CA8: variants seen among roughly 807,000 people sequenced by gnomAD.
The protein encoded by CA8 is carbonic anhydrase 8 (inactive), also known as carbonic anhydrase-related protein.
Under a neutral mutation model 41.4 loss-of-function variants are expected in CA8, and 22 were observed. That is an observed-to-expected ratio of 0.53 (90% CI 0.38 to 0.76). The LOEUF (loss-of-function observed/expected upper bound fraction) is 0.76. Among genes scored for constraint, CA8 ranks in the 30% least tolerant of loss-of-function variants. The pLI is 0.00. For synonymous variants in CA8, 121 were observed against 130.6 expected (o/e 0.93, Z 0.50); for missense variants, 270 against 352.8 (o/e 0.77, Z 1.88).
At chr8:60,225,859 C>T (rs1027074208) in intron 5 of CA8, among the ~76,000 whole-genome samples, 9 of 152,186 alleles carry the variant, frequency 5.9e-5, no homozygotes, top group Admixed American at 5.9e-4. Flanking sequence ...CATGGTGGCT[C>T]ACGCCTGTAA....
intron 5 of CA8, 55 bp from the exon 6 acceptor site, chr8:60,224,640 A>T: frequency 8.8e-7 from 1 of 1,135,744 alleles, no homozygotes; most frequent in Non-Finnish European, 1.3e-6. Context: ...TAGATTTTAG[A>T]ATAAAAAATC....
chr8:60,249,055 A>G (rs533359629), intron 3 of CA8, among the ~76,000 whole-genome samples: 1 of 152,168 alleles, frequency 6.6e-6, no homozygotes, highest in Admixed American at 6.5e-5. Context: ...GATTTGGTCC[A>G]TTGACTAGCA....
chr8:60,248,853 G>T (rs1276820732), intron 3 of CA8, among the ~76,000 whole-genome samples: 1 of 152,134 alleles, frequency 6.6e-6, no homozygotes, highest in Admixed American at 6.5e-5. Context: ...ACTTCGGGCA[G>T]TATGGCCATT....
chr8:60,278,773 G>C (rs1804319916), intron 2 of CA8, among the ~76,000 whole-genome samples: 2 of 152,184 alleles, frequency 1.3e-5, no homozygotes, highest in Admixed American at 1.3e-4. Flanking sequence ...TCCATAGCTG[G>C]AAATCAACAG....
chr8:60,248,959 T>C (rs933439396), intron 3 of CA8, among the ~76,000 whole-genome samples: 3 of 152,198 alleles, frequency 2.0e-5, no homozygotes, highest in African/African-American at 7.2e-5. Flanking sequence ...GTAGTTCTCC[T>C]TGAAGAGGCC....
intron 2 of CA8, among the ~76,000 whole-genome samples, chr8:60,266,288 T>G (rs1474110307): frequency 6.6e-6 from 1 of 152,194 alleles, no homozygotes; most frequent in Non-Finnish European, 1.5e-5. Context: ...AAACTCATAA[T>G]GATATGCATA....
intron 3 of CA8, among the ~76,000 whole-genome samples, chr8:60,263,402 C>T (rs2130588565): frequency 6.6e-6 from 1 of 150,582 alleles, no homozygotes; most frequent in East Asian, 2.0e-4. Flanking sequence ...GTCTGTCTGT[C>T]TAACAAGCCA....
intron 1 of CA8, 48 bp from the exon 2 acceptor site, chr8:60,279,928 C>T (rs1329944880): frequency 6.0e-6 from 9 of 1,501,110 alleles, no homozygotes; most frequent in Non-Finnish European, 8.1e-6. Flanking sequence ...AAATAAATTA[C>T]AGTAAAATTT....
intron 3 of CA8, among the ~76,000 whole-genome samples, chr8:60,249,432 G>A (rs575519989): frequency 1.2e-4 from 18 of 152,218 alleles, no homozygotes; most frequent in Admixed American, 2.6e-4. Flanking sequence ...GGAGAAATAC[G>A]ATACTGAGCA....
intron 3 of CA8, among the ~76,000 whole-genome samples, chr8:60,264,285 A>G (rs1803829090): frequency 6.6e-6 from 1 of 152,218 alleles, no homozygotes; most frequent in Non-Finnish European, 1.5e-5. Context: ...CTCCCCATTT[A>G]CAGCTACCTT....
chr8:60,201,672 C>A (rs1806432977), intron 8 of CA8, among the ~76,000 whole-genome samples: 1 of 152,132 alleles, frequency 6.6e-6, no homozygotes, highest in African/African-American at 2.4e-5. Flanking sequence ...AAAAAGACAA[C>A]CTGCAGTCAT....
chr8:60,254,085 A>T (rs1201102133), intron 3 of CA8, among the ~76,000 whole-genome samples: 4 of 152,136 alleles, frequency 2.6e-5, no homozygotes, highest in Non-Finnish European at 4.4e-5. Context: ...TTAACCCTTT[A>T]ATCGTTATCT....
rs570042101 is a variant in CA8 at position 60,195,688 on chromosome 8, G to T, written c.*36-5703C>A. On this transcript the variant is annotated intron_variant, in intron 8 of 8. Transcript: ENST00000317995. The stretch of plus-strand genomic sequence containing the variant: ...GTGTCTGATTTACCCATGACACTAG[G>T]CTGTGAGCTATGTCAGGGGAGAGCT... Among the ~76,000 whole-genome samples the T allele has an allele frequency of 6.2e-4, 95 of 152,232 alleles. No individual in the cohort carries two copies. In the Middle Eastern group the frequency reaches 0.014, roughly 22 times the overall value.
intron 3 of CA8, among the ~76,000 whole-genome samples, chr8:60,234,997 G>C (rs1488284664): frequency 6.6e-6 from 1 of 152,182 alleles, no homozygotes; most frequent in Non-Finnish European, 1.5e-5. Flanking sequence ...CCTAGTAGTG[G>C]TAACCTAGGT....
At chr8:60,195,789 T>C (rs1429332989) in intron 8 of CA8, among the ~76,000 whole-genome samples, 1 of 152,170 alleles carries the variant, frequency 6.6e-6, no homozygotes, top group Non-Finnish European at 1.5e-5. Context: ...TAAAAATAAA[T>C]GCCCTTCCAT....
At chr8:60,247,809 A>C (rs1165607111) in intron 3 of CA8, among the ~76,000 whole-genome samples, 1 of 152,214 alleles carries the variant, frequency 6.6e-6, no homozygotes, top group Non-Finnish European at 1.5e-5. Flanking sequence ...TTCTGGTTCT[A>C]GATCCTTGAG....
At chr8:60,219,041 T>C (rs1807134119) in intron 7 of CA8, among the ~76,000 whole-genome samples, 1 of 152,068 alleles carries the variant, frequency 6.6e-6, no homozygotes, top group Non-Finnish European at 1.5e-5. Context: ...TTAGAAAGGA[T>C]ACCTCAGGAA....
chr8:60,221,530 T>C (rs1318700632), intron 7 of CA8, among the ~76,000 whole-genome samples: 6 of 152,312 alleles, frequency 3.9e-5, no homozygotes, highest in Admixed American at 2.0e-4. Context: ...ACAAGAGCCC[T>C]TCACCTCCAC....
intron 1 of CA8, 137 bp from the exon 2 acceptor site, chr8:60,280,017 G>T: frequency 1.6e-6 from 1 of 644,184 alleles, no homozygotes; most frequent in South Asian, 2.8e-5. Context: ...GATGAAATAT[G>T]GTAATTCTAT....
Sources: allele counts gnomAD v4.1 joint callset (sites outside exome capture counted in the v4.1 genomes callset), GRCh38; gene constraint gnomAD v4.1.1; transcripts MANE v1.5; gene names NCBI Gene and HGNC (gene_info 2026-07-23, HGNC 2026-07-21).